CFDP1: variants seen among roughly 807,000 people sequenced by gnomAD.
CFDP1 encodes the protein heterochromatin-stabilizing protein CFDP1.
A neutral mutation model predicts 40.1 loss-of-function variants in CFDP1; 31 were observed. That is an observed-to-expected ratio of 0.77 (90% CI 0.58 to 1.04). The LOEUF (loss-of-function observed/expected upper bound fraction) is 1.04, where lower values mean the gene tolerates loss of function less well. Ranked by LOEUF, CFDP1 falls within the 50% of genes least tolerant of loss-of-function variation. The pLI is 0.00. For missense variants in CFDP1, 423 were observed against 343.4 expected, an observed-to-expected ratio of 1.23 and a Z score of -1.83; for synonymous variants, 167 against 120.0, an observed-to-expected ratio of 1.39 and a Z score of -2.56.
chr16:75,322,751 A>T (rs1373201006), intron 5 of CFDP1, among the ~76,000 whole-genome samples: 1 of 151,762 alleles, frequency 6.6e-6, no homozygotes, highest in South Asian at 2.1e-4. Flanking sequence ...CACTAAGTAG[A>T]ATACAAATAT....
intron 5 of CFDP1, among the ~76,000 whole-genome samples, chr16:75,362,262 C>A (rs1397908723): frequency 6.6e-6 from 1 of 152,138 alleles, no homozygotes; most frequent in Non-Finnish European, 1.5e-5. Context: ...TTGCCTATGG[C>A]CTATGGTGTA....
intron 5 of CFDP1, among the ~76,000 whole-genome samples, chr16:75,383,633 A>G (rs1230296519): frequency 6.6e-6 from 1 of 152,008 alleles, no homozygotes; most frequent in African/African-American, 2.4e-5. Flanking sequence ...ATCCTTGCCA[A>G]TATGGTGAAA....
At chr16:75,304,398 A>T (rs183919421) in intron 6 of CFDP1, among the ~76,000 whole-genome samples, 1 of 152,176 alleles carries the variant, frequency 6.6e-6, no homozygotes, top group Non-Finnish European at 1.5e-5. Context: ...TTGTTTAATC[A>T]CCAGTAAGAC....
At chr16:75,391,849 A>G (rs1310457419) in intron 5 of CFDP1, among the ~76,000 whole-genome samples, 3 of 152,036 alleles carry the variant, frequency 2.0e-5, no homozygotes, top group Non-Finnish European at 4.4e-5. Flanking sequence ...GGCGCCTGTA[A>G]TCCCAGCTAC....
chr16:75,432,240 G>GA (rs1250608998), intron 1 of CFDP1, among the ~76,000 whole-genome samples: 1 of 149,368 alleles, frequency 6.7e-6, no homozygotes, highest in African/African-American at 2.5e-5. Context: ...GTGCCTTTTA[G>GA]AAATACTTCA....
intron 6 of CFDP1, among the ~76,000 whole-genome samples, chr16:75,297,860 G>A (rs987888125): frequency 6.6e-6 from 1 of 152,194 alleles, no homozygotes; most frequent in Non-Finnish European, 1.5e-5. Flanking sequence ...AATGAAAAGG[G>A]AGGGAGAAAT....
At chr16:75,405,987 A>T (rs962911779) in intron 4 of CFDP1, among the ~76,000 whole-genome samples, 12 of 152,148 alleles carry the variant, frequency 7.9e-5, no homozygotes, top group African/African-American at 2.9e-4. Flanking sequence ...CACACCTGTA[A>T]TCCCAGCACT....
At chr16:75,385,977 C>T (rs2078894683) in intron 5 of CFDP1, among the ~76,000 whole-genome samples, 1 of 152,126 alleles carries the variant, frequency 6.6e-6, no homozygotes, top group South Asian at 2.1e-4. Flanking sequence ...TAACTTGACT[C>T]ATTTTTCACA....
At chr16:75,392,618 C>T (rs2078961632) in intron 5 of CFDP1, among the ~76,000 whole-genome samples, 1 of 152,172 alleles carries the variant, frequency 6.6e-6, no homozygotes, top group African/African-American at 2.4e-5. Context: ...CTGCCTCAGC[C>T]TCCTAGGTAG....
At chr16:75,360,444 G>C (rs1488222022) in intron 5 of CFDP1, among the ~76,000 whole-genome samples, 2 of 152,136 alleles carry the variant, frequency 1.3e-5, no homozygotes, top group Non-Finnish European at 2.9e-5. Flanking sequence ...GTTAACTGAA[G>C]GAAACCGAAA....
At chr16:75,409,515 T>C (rs2079137046) in intron 4 of CFDP1, 1 of 152,214 alleles carries the variant, frequency 6.6e-6, no homozygotes, top group East Asian at 1.9e-4. Context: ...TAATTCCTTT[T>C]TATTGTGTTT....
chr16:75,354,159 G>GT (rs770138658), intron 5 of CFDP1, among the ~76,000 whole-genome samples: 1 of 152,198 alleles, frequency 6.6e-6, no homozygotes, highest in Admixed American at 6.5e-5. Context: ...ACAGGCTAAG[G>GT]TAAGTGTTGT....
intron 5 of CFDP1, among the ~76,000 whole-genome samples, chr16:75,326,681 G>T (rs1374277962): frequency 6.6e-6 from 1 of 152,060 alleles, no homozygotes; most frequent in Non-Finnish European, 1.5e-5. Context: ...AGAACGTCAG[G>T]GATAAAAAGA....
intron 1 of CFDP1, among the ~76,000 whole-genome samples, chr16:75,416,049 T>A (rs1378871708): frequency 6.6e-6 from 1 of 152,120 alleles, no homozygotes; most frequent in Non-Finnish European, 1.5e-5. Flanking sequence ...GATGGGGTTT[T>A]ATCATGTTGG....
intron 5 of CFDP1, among the ~76,000 whole-genome samples, chr16:75,371,790 T>C (rs753298391): frequency 6.6e-6 from 1 of 152,230 alleles, no homozygotes; most frequent in Admixed American, 6.5e-5. Flanking sequence ...GATGAAAATG[T>C]TGATTAAATC....
intron 1 of CFDP1, among the ~76,000 whole-genome samples, chr16:75,416,472 A>C (rs1239136783): frequency 6.6e-6 from 1 of 151,904 alleles, no homozygotes; most frequent in African/African-American, 2.4e-5. Flanking sequence ...TTTAAAAAAA[A>C]AAAAAAAAGG....
At chr16:75,400,237 G>A (rs557943594) in intron 4 of CFDP1, among the ~76,000 whole-genome samples, 8 of 151,990 alleles carry the variant, frequency 5.3e-5, no homozygotes, top group Admixed American at 3.3e-4. Context: ...AGCTATTATC[G>A]TGGAACTATA....
intron 5 of CFDP1, among the ~76,000 whole-genome samples, chr16:75,308,508 C>G (rs1014368620): frequency 2.0e-5 from 3 of 152,170 alleles, no homozygotes; most frequent in Non-Finnish European, 4.4e-5. Context: ...TCCTGTGTCT[C>G]CAAACCTCTC....
At chr16:75,311,981 C>T (rs533677335) in intron 5 of CFDP1, among the ~76,000 whole-genome samples, 3 of 152,182 alleles carry the variant, frequency 2.0e-5, no homozygotes, top group Non-Finnish European at 4.4e-5. Context: ...CTGGAACTCT[C>T]TGAGAAACAG....
Sources: allele counts gnomAD v4.1 joint callset (sites outside exome capture counted in the v4.1 genomes callset), GRCh38; gene constraint gnomAD v4.1.1; transcripts MANE v1.5; gene names NCBI Gene and HGNC (gene_info 2026-07-23, HGNC 2026-07-21).